SAMD4A: variants seen among roughly 807,000 people sequenced by gnomAD.
The protein encoded by SAMD4A is sterile alpha motif domain containing 4A.
Under a neutral mutation model 81.3 loss-of-function variants are expected in SAMD4A, and 33 were observed. That is an observed-to-expected ratio of 0.41 (90% CI 0.31 to 0.54). SAMD4A has a LOEUF of 0.54. SAMD4A is among the 20% of genes least tolerant of loss of function. The probability of loss-of-function intolerance (pLI) is 0.37; values close to 1 mark genes in which losing one functional copy is unlikely to be tolerated. For synonymous variants in SAMD4A, 389 were observed against 382.1 expected (o/e 1.02, Z -0.21); for missense variants, 854 against 951.1 (o/e 0.90, Z 1.34).
intron 12 of SAMD4A, among the ~76,000 whole-genome samples, chr14:54,785,249 T>G (rs2039106381): frequency 1.3e-5 from 2 of 152,242 alleles, no homozygotes; most frequent in South Asian, 4.1e-4. Flanking sequence ...ATGGGGGCTG[T>G]GCTGTGCAGG....
chr14:54,788,336 G>A (rs1375408693), intron 12 of SAMD4A, among the ~76,000 whole-genome samples: 1 of 152,068 alleles, frequency 6.6e-6, no homozygotes, highest in Non-Finnish European at 1.5e-5. Flanking sequence ...CTGCGTGTCC[G>A]TTGCAGCCCC....
intron 2 of SAMD4A, among the ~76,000 whole-genome samples, chr14:54,669,418 C>G (rs2035825068): frequency 7.2e-6 from 1 of 139,140 alleles, no homozygotes; most frequent in Non-Finnish European, 1.6e-5. Context: ...TTAAGGAGAG[C>G]TTTATTTTTA....
At chr14:54,653,330 A>G (rs891494257) in intron 2 of SAMD4A, among the ~76,000 whole-genome samples, 2 of 145,464 alleles carry the variant, frequency 1.4e-5, no homozygotes, top group Non-Finnish European at 3.0e-5. Flanking sequence ...TATTATTATT[A>G]TTATTATTAT....
chr14:54,565,797 G>T (rs2140085686), upstream of SAMD4A, among the ~76,000 whole-genome samples: 1 of 152,128 alleles, frequency 6.6e-6, no homozygotes, highest in Admixed American at 6.5e-5. The surrounding 1 kb of genome is among the most constrained non-coding windows in gnomAD (Gnocchi z 5.4). Flanking sequence ...CACGCAGGCG[G>T]CCGCAGGAAG....
In SAMD4A at chr14:54,575,052, A is replaced by G. The variant is rs141714925; in HGVS notation, c.196+6940A>G. On this transcript the variant is annotated intron_variant, in intron 2 of 12. Coordinates refer to ENST00000554335, the MANE Select transcript of SAMD4A (RefSeq NM_015589.6). ...TTTGGTGCAGTAGCTTTCAAGTTTT[A>G]CGGCTATGTGTCAGAAGATTTTTGT... 2.6e-5 allele frequency among the ~76,000 whole-genome samples: 4 copies of G among 152,328 alleles called. No individual in the cohort carries two copies. In the East Asian group the frequency reaches 7.7e-4, roughly 29 times the overall value.
chr14:54,656,855 C>A (rs141035509), intron 2 of SAMD4A, among the ~76,000 whole-genome samples: 176 of 152,270 alleles, frequency 1.2e-3, no homozygotes, highest in Non-Finnish European at 2.0e-3. Context: ...GATCCACCCG[C>A]TTTGGCCTCT....
intron 2 of SAMD4A, among the ~76,000 whole-genome samples, chr14:54,623,927 CA>C (rs1415243670): frequency 6.6e-6 from 1 of 152,134 alleles, no homozygotes; most frequent in East Asian, 1.9e-4. Flanking sequence ...GACAATCTAA[CA>C]GACAGTATCT....
At chr14:54,753,687 T>C (rs1189725079) in intron 6 of SAMD4A, among the ~76,000 whole-genome samples, 1 of 149,394 alleles carries the variant, frequency 6.7e-6, no homozygotes, top group Non-Finnish European at 1.5e-5. Context: ...AGAATATACA[T>C]ATATAACTTT....
At chr14:54,774,177 G>A (rs537579848) in intron 9 of SAMD4A, among the ~76,000 whole-genome samples, 2 of 152,364 alleles carry the variant, frequency 1.3e-5, no homozygotes, top group East Asian at 3.9e-4. Flanking sequence ...CTGAGCCTGC[G>A]TGCCAGCGCT....
At chr14:54,603,304 T>G (rs1186392095) in intron 2 of SAMD4A, among the ~76,000 whole-genome samples, 1 of 152,280 alleles carries the variant, frequency 6.6e-6, no homozygotes, top group African/African-American at 2.4e-5. Context: ...TGTCCCCATT[T>G]TATTTATATC....
intron 2 of SAMD4A, among the ~76,000 whole-genome samples, chr14:54,658,284 C>G (rs1193432467): frequency 6.6e-6 from 1 of 152,212 alleles, no homozygotes; most frequent in Non-Finnish European, 1.5e-5. Flanking sequence ...ACACTCCAGC[C>G]TGGGTGACAG....
rs201933753 is a variant in SAMD4A at position 54,782,468 on chromosome 14, TC to T, written c.2045-2064del. ...AATGGATGAAAATACTAAAATCTCT[TC>T]CCCCTGGAATTGTCTAATTGCCCCG... is the stretch of plus-strand genomic sequence containing the variant. On this transcript the variant is annotated intron_variant, in intron 11 of 12. Coordinates refer to ENST00000554335, the MANE Select transcript of SAMD4A (RefSeq NM_015589.6). Among the ~76,000 whole-genome samples, 3 of 152,256 alleles carry T rather than the reference TC, an allele frequency of 2.0e-5. No individual in the cohort carries two copies. The East Asian group carries it at 5.8e-4, about 29-fold the overall frequency.
intron 3 of SAMD4A, among the ~76,000 whole-genome samples, chr14:54,707,558 A>C (rs1201652539): frequency 6.6e-6 from 1 of 152,148 alleles, no homozygotes; most frequent in Non-Finnish European, 1.5e-5. Context: ...TAGTGTGTAC[A>C]AATTGTAGTA....
chr14:54,756,030 A>T (rs1261839270), intron 6 of SAMD4A, among the ~76,000 whole-genome samples: 2 of 152,146 alleles, frequency 1.3e-5, no homozygotes, highest in Non-Finnish European at 2.9e-5. Context: ...ACACATCCAG[A>T]TCTTGTCCTC....
At chr14:54,736,567 G>C (rs556459181) in intron 3 of SAMD4A, among the ~76,000 whole-genome samples, 56 of 152,354 alleles carry the variant, frequency 3.7e-4, no homozygotes, top group African/African-American at 1.3e-3. Flanking sequence ...TGGCCAGCCC[G>C]GCTGCCCTTC....
chr14:54,779,227 A>G (rs2038938361), intron 11 of SAMD4A, among the ~76,000 whole-genome samples: 1 of 152,226 alleles, frequency 6.6e-6, no homozygotes, highest in Non-Finnish European at 1.5e-5. Context: ...CTAGACTACA[A>G]ATATCATGTC....
At chr14:54,596,897 C>T (rs2033923980) in intron 2 of SAMD4A, among the ~76,000 whole-genome samples, 1 of 152,166 alleles carries the variant, frequency 6.6e-6, no homozygotes, top group Non-Finnish European at 1.5e-5. Context: ...AGAAAAGCTT[C>T]AGGTTCTGAA....
chr14:54,755,204 C>T (rs369241606), intron 6 of SAMD4A, among the ~76,000 whole-genome samples: 8 of 152,060 alleles, frequency 5.3e-5, no homozygotes, highest in African/African-American at 1.7e-4. Context: ...GTGATTGTGA[C>T]GAGGCTTGGG....
At chr14:54,634,498 G>T (rs1213699590) in intron 2 of SAMD4A, among the ~76,000 whole-genome samples, 1 of 152,046 alleles carries the variant, frequency 6.6e-6, no homozygotes, top group Non-Finnish European at 1.5e-5. Flanking sequence ...GATGGGGGTT[G>T]GTCATAAGGA....
Sources: allele counts gnomAD v4.1 joint callset (sites outside exome capture counted in the v4.1 genomes callset), GRCh38; gene constraint gnomAD v4.1.1; non-coding constraint Gnocchi (gnomAD v3.1); transcripts MANE v1.5; gene names NCBI Gene and HGNC (gene_info 2026-07-23, HGNC 2026-07-21).